PEBP4: variants seen among roughly 807,000 people sequenced by gnomAD.
PEBP4 encodes phosphatidylethanolamine-binding protein 4.
In PEBP4, 22 loss-of-function variants were observed where a neutral mutation model predicts 23.9. The ratio of observed to expected loss-of-function variants is 0.92; its 90% CI spans 0.66 to 1.31. PEBP4 has a LOEUF of 1.31. Ranked by LOEUF, PEBP4 falls within the 40% of genes most tolerant of loss-of-function variation. The pLI is 0.00. For missense variants in PEBP4, 324 were observed against 281.7 expected (o/e 1.15, Z -1.07); for synonymous variants, 112 against 99.3 (o/e 1.13, Z -0.76).
At chr8:22,923,766 A>G (rs1010585560) in intron 2 of PEBP4, among the ~76,000 whole-genome samples, 1 of 152,182 alleles carries the variant, frequency 6.6e-6, no homozygotes, top group Non-Finnish European at 1.5e-5. Context: ...AGGCACCCTC[A>G]TAAGAGAGGC....
upstream of PEBP4, among the ~76,000 whole-genome samples, chr8:22,930,867 T>A (rs1809445051): frequency 2.0e-5 from 3 of 152,256 alleles, no homozygotes; most frequent in East Asian, 3.9e-4. Context: ...GAAAGTCCCA[T>A]TGCTAGATTT....
At chr8:22,858,622 T>C (rs1261747336) in intron 3 of PEBP4, among the ~76,000 whole-genome samples, 1 of 152,148 alleles carries the variant, frequency 6.6e-6, no homozygotes, top group East Asian at 1.9e-4. Flanking sequence ...GACTTTGAGA[T>C]GACAACTGAA....
chr8:22,722,171 A>C (rs1804532349), intron 6 of PEBP4, among the ~76,000 whole-genome samples: 1 of 136,876 alleles, frequency 7.3e-6, no homozygotes. Flanking sequence ...CTTCCCCTCC[A>C]TTTTCTCACT....
chr8:22,817,213 G>A (rs1806762847), intron 4 of PEBP4, among the ~76,000 whole-genome samples: 1 of 152,198 alleles, frequency 6.6e-6, no homozygotes, highest in South Asian at 2.1e-4. Context: ...ACTTCTCCTG[G>A]CCGGTTCTGC....
intron 4 of PEBP4, among the ~76,000 whole-genome samples, chr8:22,729,547 T>G (rs987914447): frequency 2.0e-5 from 3 of 152,180 alleles, no homozygotes; most frequent in African/African-American, 7.2e-5. Context: ...GGGTGGGAAG[T>G]CTCCCTTTCT....
chr8:22,871,039 A>G (rs967542162), intron 3 of PEBP4, among the ~76,000 whole-genome samples: 5 of 152,144 alleles, frequency 3.3e-5, no homozygotes, highest in African/African-American at 1.2e-4. Flanking sequence ...AAGACTTCCT[A>G]TTGCTACGCC....
chr8:22,788,190 A>T (rs1055865145), intron 4 of PEBP4, among the ~76,000 whole-genome samples: 1 of 152,176 alleles, frequency 6.6e-6, no homozygotes, highest in Non-Finnish European at 1.5e-5. Context: ...GGCAGGTGGC[A>T]GTGGGATCCA....
intron 3 of PEBP4, among the ~76,000 whole-genome samples, chr8:22,912,644 G>A (rs1808966534): frequency 6.6e-6 from 1 of 152,314 alleles, no homozygotes; most frequent in Non-Finnish European, 1.5e-5. Flanking sequence ...TTGCTAGGAG[G>A]ATCTGTCCTG....
At chr8:22,840,303 T>G (rs935208179) in intron 3 of PEBP4, among the ~76,000 whole-genome samples, 2 of 152,158 alleles carry the variant, frequency 1.3e-5, no homozygotes, top group African/African-American at 4.8e-5. Flanking sequence ...TAACAAAGAA[T>G]TTTTTAAACA....
intron 4 of PEBP4, among the ~76,000 whole-genome samples, chr8:22,758,854 G>A (rs1325287939): frequency 6.6e-6 from 1 of 152,180 alleles, no homozygotes; most frequent in Non-Finnish European, 1.5e-5. Flanking sequence ...GGGAGCCAAT[G>A]CCTTGCCTTG....
chr8:22,926,439 G>T (rs1809335379), intron 2 of PEBP4, among the ~76,000 whole-genome samples: 1 of 152,030 alleles, frequency 6.6e-6, no homozygotes, highest in Admixed American at 6.6e-5. Context: ...TGACCTCCTG[G>T]GTTTAAGCGA....
intron 4 of PEBP4, among the ~76,000 whole-genome samples, chr8:22,762,636 G>C (rs1805531467): frequency 6.6e-6 from 1 of 152,166 alleles, no homozygotes; most frequent in South Asian, 2.1e-4. Context: ...CCGTTGCAGA[G>C]AAAAGAGACT....
chr8:22,914,442 G>A (rs1249875416), intron 3 of PEBP4, among the ~76,000 whole-genome samples: 1 of 152,032 alleles, frequency 6.6e-6, no homozygotes, highest in African/African-American at 2.4e-5. Flanking sequence ...TTAAACATTC[G>A]CAGGCATCTC....
At chr8:22,830,405 C>G (rs1449639362) in intron 3 of PEBP4, among the ~76,000 whole-genome samples, 2 of 152,110 alleles carry the variant, frequency 1.3e-5, no homozygotes, top group African/African-American at 4.8e-5. Context: ...GCCTCGGCCT[C>G]CCAAAGTGCT....
In PEBP4 at chr8:22,713,370, C is replaced by G. The variant is rs376335165; in HGVS notation, c.684G>C (p.Ter228TyrextTer?). Residue 228 changes from the stop codon to tyrosine, a stop_lost, in exon 7 of 7, where the codon TAG becomes TAC. Coordinates refer to ENST00000256404, the MANE Select transcript of PEBP4 (RefSeq NM_144962.3). ...HKNQAEIAAC* is the reference protein window; with the variant it reads ...HKNQAEIAACY ...ATGCCCGGATGGCAAAGCCGGCTAT[C>G]TAGCAGGCAGCTATCTCCGCCTGGT... is the stretch of plus-strand genomic sequence containing the variant. 133 of 1,583,258 alleles carry G rather than the reference C, an allele frequency of 8.4e-5. No individual in the cohort carries two copies. In the African/African-American group the frequency reaches 1.4e-3, roughly 17 times the overall value.
intron 3 of PEBP4, among the ~76,000 whole-genome samples, chr8:22,850,147 T>A (rs965882015): frequency 1.3e-5 from 2 of 150,922 alleles, no homozygotes; most frequent in Non-Finnish European, 3.0e-5. Flanking sequence ...TTAGAAGAAA[T>A]AAATAATGGG....
At chr8:22,925,485 G>C (rs1809307086) in intron 2 of PEBP4, 1 of 334,228 alleles carries the variant, frequency 3.0e-6, no homozygotes, top group African/African-American at 2.2e-5. Flanking sequence ...TGCAGAATGG[G>C]GGTGCTAACA....
chr8:22,730,829 G>C (rs945408426), intron 4 of PEBP4, among the ~76,000 whole-genome samples: 1 of 152,204 alleles, frequency 6.6e-6, no homozygotes, highest in Non-Finnish European at 1.5e-5. Flanking sequence ...TTAGAATTTA[G>C]TCTCTGAAGG....
intron 4 of PEBP4, among the ~76,000 whole-genome samples, chr8:22,790,367 A>G (rs1013473993): frequency 6.6e-6 from 1 of 152,208 alleles, no homozygotes; most frequent in African/African-American, 2.4e-5. Flanking sequence ...GGGTAGATAC[A>G]GGGATTCAAG....
Sources: gnomAD v4.1 joint callset for allele counts (sites outside exome capture counted in the v4.1 genomes callset) on GRCh38, gnomAD v4.1.1 for gene constraint, MANE v1.5 for transcripts, NCBI Gene and HGNC (gene_info 2026-07-23, HGNC 2026-07-21) for gene names.